The following RAB27A variants were observed in gnomAD, a reference collection of about 807,000 sequenced individuals.
RAB27A encodes ras-related protein Rab-27A.
RAB27A carries 17 observed loss-of-function variants against 20.8 expected under a neutral mutation model. The observed-to-expected ratio is 0.82, with a 90% CI of 0.56 to 1.23. RAB27A has a LOEUF of 1.23. Ranked by LOEUF, RAB27A falls within the 50% of genes most tolerant of loss-of-function variation. The pLI is 0.00. For missense variants in RAB27A, 277 were observed against 266.7 expected (o/e 1.04, Z -0.27); for synonymous variants, 85 against 92.8 (o/e 0.92, Z 0.48).
intron 1 of RAB27A, among the ~76,000 whole-genome samples, chr15:55,286,938 G>A (rs1211905870): frequency 2.3e-5 from 1 of 43,644 alleles, no homozygotes; most frequent in African/African-American, 1.3e-4. Flanking sequence ...TTTTTTTTTT[G>A]AGACGGACTC....
chr15:55,212,374 T>C (rs1043444253), intron 6 of RAB27A, among the ~76,000 whole-genome samples: 8 of 152,130 alleles, frequency 5.3e-5, no homozygotes, highest in Non-Finnish European at 5.9e-5. Context: ...TCTTATGCAC[T>C]GTACAAGAAG....
intron 1 of RAB27A, among the ~76,000 whole-genome samples, chr15:55,314,770 C>T (rs2055036091): frequency 1.3e-5 from 2 of 152,070 alleles, no homozygotes; most frequent in Admixed American, 1.3e-4. Flanking sequence ...AGAGAGGACA[C>T]AAACAAATGG....
At chr15:55,237,977 A>G (rs975301071) in intron 2 of RAB27A, 1 of 152,168 alleles carries the variant, frequency 6.6e-6, no homozygotes, top group South Asian at 2.1e-4. Context: ...GTAATCACAC[A>G]TGTAAGTCTA....
At chr15:55,247,870 G>A (rs376990937) in intron 2 of RAB27A, among the ~76,000 whole-genome samples, 4 of 151,664 alleles carry the variant, frequency 2.6e-5, no homozygotes, top group African/African-American at 7.3e-5. Context: ...AGACTACTAA[G>A]AGGCACCAGG....
At chr15:55,210,281 GTTTTT>G (rs560258521) in intron 6 of RAB27A, among the ~76,000 whole-genome samples, 1 of 142,736 alleles carries the variant, frequency 7.0e-6, no homozygotes, top group Non-Finnish European at 1.5e-5. Context: ...TCTATTTTTA[GTTTTT>G]TTTTTTAAGA....
intron 2 of RAB27A, among the ~76,000 whole-genome samples, chr15:55,236,803 T>A (rs1037856506): frequency 6.6e-6 from 1 of 152,174 alleles, no homozygotes; most frequent in Non-Finnish European, 1.5e-5. Context: ...CATGAAGGTA[T>A]TTAGGGTATT....
intron 2 of RAB27A, among the ~76,000 whole-genome samples, chr15:55,305,119 C>T (rs1236575297): frequency 6.6e-6 from 1 of 152,130 alleles, no homozygotes; most frequent in East Asian, 1.9e-4. Flanking sequence ...AGTTGCAAGC[C>T]CCATGCTTAA....
chr15:55,316,924 T>A (rs1045761603), intron 1 of RAB27A, among the ~76,000 whole-genome samples: 1 of 152,170 alleles, frequency 6.6e-6, no homozygotes, highest in Non-Finnish European at 1.5e-5. Context: ...AACTGCAGGG[T>A]AACGGAGTGG....
intron 2 of RAB27A, among the ~76,000 whole-genome samples, chr15:55,302,041 G>A (rs906492455): frequency 6.6e-6 from 1 of 151,966 alleles, no homozygotes; most frequent in Non-Finnish European, 1.5e-5. Flanking sequence ...GCCGACCATG[G>A]TAGTTTGTGC....
chr15:55,281,120 T>C (rs772396335), intron 1 of RAB27A, among the ~76,000 whole-genome samples: 2 of 152,230 alleles, frequency 1.3e-5, no homozygotes, highest in Admixed American at 1.3e-4. Context: ...TTACACTCTT[T>C]TGTGAGCATG....
chr15:55,214,177 C>A (rs1309952820), intron 6 of RAB27A, among the ~76,000 whole-genome samples: 3 of 152,238 alleles, frequency 2.0e-5, no homozygotes, highest in Non-Finnish European at 4.4e-5. Flanking sequence ...TGGCTGATGC[C>A]TGTAATCCCA....
At chr15:55,216,749 C>T (rs150401473) in intron 6 of RAB27A, among the ~76,000 whole-genome samples, 105 of 152,276 alleles carry the variant, frequency 6.9e-4, no homozygotes, top group Middle Eastern at 3.4e-3. Flanking sequence ...CCTGGGACCA[C>T]GCCTCCCTAC....
chr15:55,294,582 TG>T (rs2054939318), upstream of RAB27A, among the ~76,000 whole-genome samples: 1 of 99,584 alleles, frequency 1.0e-5, no homozygotes, highest in Non-Finnish European at 1.9e-5. Context: ...AACAAAACCC[TG>T]TCTCCGAAAA....
rs372114089 is a variant in RAB27A, at chr15:55,305,586, C to T, written c.-112+8453G>A. Among the ~76,000 whole-genome samples the T allele has an allele frequency of 3.2e-4, 49 of 152,256 alleles. 1 individual carries two copies. The South Asian group carries it at 3.5e-3, about 11-fold the overall frequency. ...CCATTGGCTGAGGAGGCCCCAAGTC[C>T]GGTGTTTTGAAGCTCCTCTGCTCTA... On this transcript the variant is annotated intron_variant, in intron 2 of 5. Coordinates refer to the RAB27A transcript ENST00000563262.
chr15:55,272,902 A>C (rs937044745), intron 1 of RAB27A, among the ~76,000 whole-genome samples: 6 of 152,158 alleles, frequency 3.9e-5, no homozygotes, highest in African/African-American at 1.4e-4. Context: ...AGGGATTCAG[A>C]ACCCCAAAAC....
At chr15:55,233,284 T>A (rs1316390858) in intron 3 of RAB27A, among the ~76,000 whole-genome samples, 1 of 152,104 alleles carries the variant, frequency 6.6e-6, no homozygotes, top group Non-Finnish European at 1.5e-5. Context: ...TACACAGTAT[T>A]AAAATTAAGT....
chr15:55,267,834 G>A (rs551712832), intron 2 of RAB27A, among the ~76,000 whole-genome samples: 1 of 152,272 alleles, frequency 6.6e-6, no homozygotes, highest in Non-Finnish European at 1.5e-5. Flanking sequence ...TGAAACAGCC[G>A]CAGAGAGAGG....
intron 2 of RAB27A, among the ~76,000 whole-genome samples, chr15:55,297,397 C>T (rs987100861): frequency 6.6e-5 from 10 of 152,236 alleles, no homozygotes; most frequent in Admixed American, 6.5e-4. Context: ...GCATGAGCTC[C>T]TCTCCTTTGT....
intron 3 of RAB27A, among the ~76,000 whole-genome samples, chr15:55,231,251 G>A (rs1896021719): frequency 6.6e-6 from 1 of 152,146 alleles, no homozygotes; most frequent in African/African-American, 2.4e-5. Flanking sequence ...CCATGACTTT[G>A]CTATTGTGAA....
Sources: gnomAD v4.1 joint callset for allele counts (sites outside exome capture counted in the v4.1 genomes callset) on GRCh38, gnomAD v4.1.1 for gene constraint, MANE v1.5 for transcripts, NCBI Gene and HGNC (gene_info 2026-07-23, HGNC 2026-07-21) for gene names.